Variants in RASSF8 observed in about 807,000 individuals in gnomAD.
RASSF8 encodes the protein ras association domain-containing protein 8.
Under a neutral mutation model 48.5 loss-of-function variants are expected in RASSF8, and 22 were observed. The ratio of observed to expected loss-of-function variants is 0.45; its 90% CI spans 0.32 to 0.65. The LOEUF is 0.65. Among genes scored for constraint, RASSF8 ranks in the 30% least tolerant of loss-of-function variants. RASSF8 has a pLI of 0.03. For missense variants in RASSF8, 418 were observed against 489.2 expected, an observed-to-expected ratio of 0.85 and a Z score of 1.37; for synonymous variants, 127 against 171.5, an observed-to-expected ratio of 0.74 and a Z score of 2.03.
chr12:26,029,889 A>G (rs1379098946), intron 2 of RASSF8, among the ~76,000 whole-genome samples: 1 of 152,178 alleles, frequency 6.6e-6, no homozygotes, highest in Non-Finnish European at 1.5e-5. Context: ...TTCCTCAGAG[A>G]TATTTATTCT....
intron 3 of RASSF8, among the ~76,000 whole-genome samples, chr12:26,057,705 T>C (rs1223982976): frequency 6.6e-6 from 1 of 152,250 alleles, no homozygotes; most frequent in Non-Finnish European, 1.5e-5. Flanking sequence ...ATCGCCACAC[T>C]GTCTTCCACA....
chr12:26,071,443 A>AT lies in RASSF8; in HGVS notation c.*2629dup, dbSNP rs1943998419. The AT allele has an allele frequency of 1.1e-6, 1 of 944,106 alleles. No homozygotes were observed. 58.5% of individuals were successfully genotyped at this position (944,106 alleles called of 1,614,324 possible). ...TCATATTGCAACTTGTTTTATTGTG[A>AT]TTTTCTACAAGTATTAAATACATTT... On this transcript the variant is annotated 3_prime_UTR_variant, in exon 6 of 6. Coordinates refer to ENST00000689635, the MANE Select transcript of RASSF8 (RefSeq NM_001394098.1).
chr12:26,025,983 A>G (rs913636377), intron 2 of RASSF8, among the ~76,000 whole-genome samples: 6 of 152,186 alleles, frequency 3.9e-5, no homozygotes, highest in Non-Finnish European at 8.8e-5. Context: ...GTATATAAAA[A>G]TTAAGTAGAT....
intron 2 of RASSF8, among the ~76,000 whole-genome samples, chr12:26,031,620 G>A (rs148913272): frequency 2.0e-5 from 3 of 152,304 alleles, no homozygotes; most frequent in East Asian, 1.9e-4. Flanking sequence ...AACTATTGCT[G>A]TTGGCAGTAA....
At chr12:25,974,378 G>A (rs1003445719) in intron 1 of RASSF8, among the ~76,000 whole-genome samples, 5 of 152,124 alleles carry the variant, frequency 3.3e-5, no homozygotes, top group African/African-American at 1.2e-4. Context: ...GAGCAATGTG[G>A]AAGTCCACAT....
intron 2 of RASSF8, among the ~76,000 whole-genome samples, chr12:26,029,449 A>C (rs144379715): frequency 1.3e-5 from 2 of 152,310 alleles, no homozygotes; most frequent in African/African-American, 4.8e-5. Flanking sequence ...TCAAGAAACA[A>C]AAAGATTTCT....
chr12:26,025,642 G>A (rs1942895490), intron 2 of RASSF8, among the ~76,000 whole-genome samples: 1 of 151,074 alleles, frequency 6.6e-6, no homozygotes, highest in Non-Finnish European at 1.5e-5. Flanking sequence ...CCTTGCATAT[G>A]GAAAAATCTT....
chr12:26,037,305 T>C (rs1943174456), intron 2 of RASSF8, among the ~76,000 whole-genome samples: 1 of 152,194 alleles, frequency 6.6e-6, no homozygotes, highest in Non-Finnish European at 1.5e-5. Context: ...AAGATACTCT[T>C]TTGTCACCTC....
chr12:26,056,531 G>A (rs1943606691), intron 3 of RASSF8, among the ~76,000 whole-genome samples: 1 of 152,212 alleles, frequency 6.6e-6, no homozygotes, highest in Non-Finnish European at 1.5e-5. Flanking sequence ...TATATTGGAA[G>A]CATGTCAATT....
At chr12:26,047,161 CAG>C (rs1193418765) in intron 2 of RASSF8, among the ~76,000 whole-genome samples, 1 of 152,150 alleles carries the variant, frequency 6.6e-6, no homozygotes, top group Non-Finnish European at 1.5e-5. Context: ...AATTGCAAAA[CAG>C]ATGGCTTTTT....
chr12:26,079,104 C>T, exon 6 of RASSF8: 1 of 1,469,238 alleles, frequency 6.8e-7, no homozygotes, highest in Non-Finnish European at 9.2e-7. Flanking sequence ...GCAAGAAAAG[C>T]AAAAATGAAC....
intron 2 of RASSF8, among the ~76,000 whole-genome samples, chr12:26,027,570 T>A (rs1942942787): frequency 6.6e-6 from 1 of 152,200 alleles, no homozygotes; most frequent in Admixed American, 6.5e-5. Context: ...TTAACCTGCT[T>A]TTATGATTAA....
At chr12:26,059,558 T>G (rs1315527920) in intron 3 of RASSF8, among the ~76,000 whole-genome samples, 1 of 152,186 alleles carries the variant, frequency 6.6e-6, no homozygotes, top group Non-Finnish European at 1.5e-5. Context: ...TTTTAAAAAA[T>G]TATACTCTTC....
At chr12:26,051,731 A>G (rs1442327647) in intron 2 of RASSF8, among the ~76,000 whole-genome samples, 2 of 152,222 alleles carry the variant, frequency 1.3e-5, no homozygotes, top group Non-Finnish European at 2.9e-5. Context: ...AACATTGCAT[A>G]TGGTTGAGAA....
At position 26,078,070 on chromosome 12, in the gene RASSF8, T is replaced by C. The variant is rs1944086994; in HGVS notation, c.1139-963T>C. Among the ~76,000 whole-genome samples the C allele has an allele frequency of 2.0e-5, 3 of 152,180 alleles. No homozygotes were observed. In the South Asian group the frequency reaches 6.2e-4, roughly 32 times the overall value. ...CTGATGAGGAGGTGAATTAGGCTTTTGAAGAGTAAACAAGTTTTCACTGAG... is the reference window on the plus strand; with the variant it reads ...CTGATGAGGAGGTGAATTAGGCTTTCGAAGAGTAAACAAGTTTTCACTGAG... On this transcript the variant is annotated intron_variant, in intron 5 of 5. Transcript: ENST00000381352.
chr12:26,014,379 T>C (rs1942598277), intron 2 of RASSF8, among the ~76,000 whole-genome samples: 1 of 152,232 alleles, frequency 6.6e-6, no homozygotes. Flanking sequence ...TGTGCTATCC[T>C]TGGCTCTAAA....
intron 3 of RASSF8, among the ~76,000 whole-genome samples, chr12:26,057,122 G>GTGTC (rs1347497683): frequency 6.6e-6 from 1 of 151,858 alleles, no homozygotes; most frequent in Non-Finnish European, 1.5e-5. Flanking sequence ...GTGTGTGTGT[G>GTGTC]TGTGAAGTTC....
intron 1 of RASSF8, among the ~76,000 whole-genome samples, chr12:25,989,624 A>G (rs917434910): frequency 6.6e-5 from 10 of 152,240 alleles, no homozygotes; most frequent in African/African-American, 2.2e-4. Flanking sequence ...TTACTTAGCT[A>G]TTTAAAAAAC....
exon 6 of RASSF8, chr12:26,079,642 AG>A (rs1191524579): frequency 2.0e-5 from 3 of 152,174 alleles, no homozygotes; most frequent in Admixed American, 1.3e-4. Context: ...AACAGCCAAC[AG>A]GTATATGAAA....
Sources: allele counts gnomAD v4.1 joint callset (sites outside exome capture counted in the v4.1 genomes callset), GRCh38; gene constraint gnomAD v4.1.1; transcripts MANE v1.5; gene names NCBI Gene and HGNC (gene_info 2026-07-23, HGNC 2026-07-21).